The following SNRNP40 variants were observed in gnomAD, a reference collection of about 807,000 sequenced individuals.
The protein encoded by SNRNP40 is U5 small nuclear ribonucleoprotein 40 kDa protein.
In SNRNP40, 21 loss-of-function variants were observed where a neutral mutation model predicts 45.8. The ratio of observed to expected loss-of-function variants is 0.46; its 90% CI spans 0.32 to 0.66. The LOEUF is 0.66. Ranked by LOEUF, SNRNP40 falls within the 30% of genes least tolerant of loss-of-function variation. The pLI, the probability that SNRNP40 is intolerant of heterozygous loss-of-function variation, is 0.03. For missense variants in SNRNP40, 344 were observed against 439.1 expected, an observed-to-expected ratio of 0.78 and a Z score of 1.94; for synonymous variants, 142 against 163.8, an observed-to-expected ratio of 0.87 and a Z score of 1.01.
At chr1:31,282,464 T>C (rs1178797688) in intron 4 of SNRNP40, 1 of 135,350 alleles carries the variant, frequency 7.4e-6, no homozygotes, top group Admixed American at 8.1e-5. Flanking sequence ...GACATATTCC[T>C]GGCTATCTAT....
intron 3 of SNRNP40, among the ~76,000 whole-genome samples, chr1:31,291,377 G>T (rs1432682742): frequency 6.6e-6 from 1 of 151,512 alleles, no homozygotes; most frequent in African/African-American, 2.4e-5. Flanking sequence ...TTTCTCAAAA[G>T]AAATGATTTT....
intron 8 of SNRNP40, among the ~76,000 whole-genome samples, chr1:31,265,508 C>A (rs1004536227): frequency 6.6e-6 from 1 of 152,026 alleles, no homozygotes; most frequent in Admixed American, 6.6e-5. Flanking sequence ...CAGAAACAAA[C>A]TGCTCATCAG....
Position 31,291,980 on chromosome 1 carries a change from C to T in SNRNP40, c.298G>A (p.Asp100Asn). 6.2e-7 allele frequency: 1 copy of T among 1,612,442 alleles called. No individual in the cohort carries two copies. Among genetic ancestry groups the T allele is most frequent in the Non-Finnish European group, 8.5e-7 (1 of 1,178,492 alleles). The stretch of plus-strand genomic sequence containing the variant: ...TGTCCCTTCAGTGTGGCATAGTTAT[C>T]ACAGTCACCATAGACATTCCACAGT... ...ILLWNVYGDC[D>N]NYATLKGHSG... is the part of the protein sequence containing the mutation. The change falls in exon 3 of 10, where the codon GAT becomes AAT. Residue 100 changes from aspartate (D) to asparagine (N), a missense_variant. Transcript: ENST00000263694.
At chr1:31,264,038 G>A (rs1645879196) in intron 8 of SNRNP40, among the ~76,000 whole-genome samples, 2 of 152,022 alleles carry the variant, frequency 1.3e-5, no homozygotes, top group South Asian at 4.1e-4. Flanking sequence ...AATATAAAGG[G>A]CTGGTAGTTT....
In SNRNP40 at chr1:31,296,714, G is replaced by C. The variant is rs777855338; in HGVS notation, c.38C>G (p.Pro13Arg). The part of the protein sequence containing the change: ...EQQKRKGPEL[P>R]LVPVKRQRHE... ...CCGCTGCCGCTTGACTGGAACCAGC[G>C]GCAACTCTGGGCCCTTACGCTTCTG... The change falls in exon 1 of 10, where the codon CCG becomes CGG. Residue 13 changes from proline (P) to arginine (R), a missense_variant. This residue lies in a region of SNRNP40 where 90 missense variants were observed against 58.9 expected (regional missense o/e 1.53). Coordinates refer to ENST00000263694, the MANE Select transcript of SNRNP40 (RefSeq NM_004814.3). 2.5e-6 allele frequency: 4 copies of C among 1,613,394 alleles called. No homozygotes were observed. The highest frequency in any genetic ancestry group is 1.3e-5 in the African/African-American group (1 of 74,918).
intron 5 of SNRNP40, among the ~76,000 whole-genome samples, chr1:31,276,900 G>A (rs1318468070): frequency 6.6e-6 from 1 of 152,112 alleles, no homozygotes. Flanking sequence ...GGGACGTGGT[G>A]GCGGCTGCCT....
chr1:31,278,101 T>G (rs1645989115), intron 5 of SNRNP40, among the ~76,000 whole-genome samples: 1 of 152,238 alleles, frequency 6.6e-6, no homozygotes, highest in Non-Finnish European at 1.5e-5. Flanking sequence ...CCCTAACATT[T>G]GCTGATTATT....
chr1:31,269,780 CA>C (rs1645924193), intron 6 of SNRNP40: 1 of 157,400 alleles, frequency 6.4e-6, no homozygotes, highest in African/African-American at 2.4e-5. Context: ...AAAAAGTAAA[CA>C]TTGATTCTAT....
At chr1:31,267,953 CT>C in intron 7 of SNRNP40, 21 bp from the exon 8 acceptor site, 1 of 1,584,006 alleles carries the variant, frequency 6.3e-7, no homozygotes, top group Non-Finnish European at 8.7e-7. Flanking sequence ...CAAGAATCCA[CT>C]GAATAGTAAT....
chr1:31,273,768 C>T (rs899360592), intron 5 of SNRNP40, among the ~76,000 whole-genome samples: 1 of 152,076 alleles, frequency 6.6e-6, no homozygotes, highest in East Asian at 1.9e-4. Flanking sequence ...AGACATGGCC[C>T]TGCTCACAAG....
chr1:31,273,562 C>T (rs371812951), intron 5 of SNRNP40, among the ~76,000 whole-genome samples: 1 of 152,162 alleles, frequency 6.6e-6, no homozygotes, highest in African/African-American at 2.4e-5. Context: ...ATCACTTGAA[C>T]CCGGGAGGCG....
intron 5 of SNRNP40, among the ~76,000 whole-genome samples, chr1:31,273,969 G>T (rs1284284227): frequency 6.8e-6 from 1 of 147,496 alleles, no homozygotes. Flanking sequence ...TTTTGTTTTT[G>T]TTTTTTTTTT....
intron 4 of SNRNP40, among the ~76,000 whole-genome samples, chr1:31,288,108 A>C (rs995287804): frequency 1.2e-4 from 19 of 152,008 alleles, no homozygotes; most frequent in African/African-American, 4.6e-4. Context: ...GGCTACAGTG[A>C]GCCAAGATTG....
At chr1:31,269,280 C>T in intron 6 of SNRNP40, 40 bp from the exon 7 acceptor site, 2 of 1,610,974 alleles carry the variant, frequency 1.2e-6, no homozygotes, top group Non-Finnish European at 1.7e-6. Context: ...ACCAAAACAA[C>T]TATCGGCCAG....
chr1:31,281,564 C>T (rs1345555423), intron 4 of SNRNP40, 68 bp from the exon 5 acceptor site: 25 of 1,420,742 alleles, frequency 1.8e-5, no homozygotes, highest in Non-Finnish European at 2.3e-5. Flanking sequence ...GTACAAATAT[C>T]CCTTAAGTAC....
chr1:31,289,507 T>A lies in SNRNP40; in HGVS notation c.366-88A>T. The A allele has an allele frequency of 2.4e-6, 3 of 1,239,758 alleles. No individual in the cohort carries two copies. In the South Asian group the frequency reaches 4.0e-5, roughly 16 times the overall value. The allele number at this position is 1,239,758 out of a possible 1,614,324, so 76.8% of individuals were successfully genotyped here. On this transcript the variant is annotated intron_variant, in intron 3 of 9. Transcript: ENST00000263694. The stretch of plus-strand genomic sequence containing the variant: ...TCCTACTTGACAAAAGGTGCCAAAT[T>A]TTTCAAGATCACTGACCTGCTGTGC...
intron 5 of SNRNP40, among the ~76,000 whole-genome samples, chr1:31,272,753 CA>C (rs1557675359): frequency 1.3e-5 from 2 of 151,484 alleles, no homozygotes; most frequent in African/African-American, 4.9e-5. Flanking sequence ...AGCTATTAAG[CA>C]AAAAAGGAAA....
Position 31,260,122 on chromosome 1 carries a change from C to G in SNRNP40, c.1025-1G>C. On this transcript the variant is annotated splice_acceptor_variant, in intron 9 of 9. Coordinates refer to ENST00000263694, the MANE Select transcript of SNRNP40 (RefSeq NM_004814.3). LOFTEE classifies it high-confidence loss of function. ...CTCTTGTCACTCGATGCTGAGATAA[C>G]TGAGGTAAAAAGAACAGATAACTAG... is the stretch of plus-strand genomic sequence containing the variant. 6.3e-7 allele frequency: 1 copy of G among 1,589,186 alleles called. No individual in the cohort carries two copies. The highest frequency in any genetic ancestry group is 8.6e-7 in the Non-Finnish European group (1 of 1,167,006).
At chr1:31,261,749 A>G in intron 8 of SNRNP40, 117 bp from the exon 9 acceptor site, 4 of 634,074 alleles carry the variant, frequency 6.3e-6, no homozygotes, top group Non-Finnish European at 8.4e-6. Context: ...CATTTACTGA[A>G]CCATGTTCTG....
Sources: allele counts gnomAD v4.1 joint callset (sites outside exome capture counted in the v4.1 genomes callset), GRCh38; gene constraint gnomAD v4.1.1; regional missense constraint gnomAD v4.1.1; transcripts MANE v1.5; gene names NCBI Gene and HGNC (gene_info 2026-07-23, HGNC 2026-07-21).